The following MAP1LC3B2 variants were observed in gnomAD, a reference collection of about 807,000 sequenced individuals.
The protein encoded by MAP1LC3B2 is microtubule associated protein 1 light chain 3 beta 2.
For synonymous variants in MAP1LC3B2, 62 were observed against 57.8 expected, an observed-to-expected ratio of 1.07 and a Z score of -0.33; for missense variants, 155 against 154.6, an observed-to-expected ratio of 1.00 and a Z score of -0.01.
chr12:116,572,487 C>T (rs527404386), intron 1 of MAP1LC3B2, among the ~76,000 whole-genome samples: 26 of 152,254 alleles, frequency 1.7e-4, no homozygotes, highest in African/African-American at 6.0e-4. Flanking sequence ...GCCTCAGCCT[C>T]CCGAGTAGCT....
At chr12:116,575,328 T>C (rs1407516745) in intron 1 of MAP1LC3B2, among the ~76,000 whole-genome samples, 3 of 152,204 alleles carry the variant, frequency 2.0e-5, no homozygotes, top group Non-Finnish European at 4.4e-5. Flanking sequence ...TTCTTAGCAG[T>C]GAATGAATCA....
chr12:116,566,073 A>G (rs545288161), intron 1 of MAP1LC3B2, among the ~76,000 whole-genome samples: 1 of 152,276 alleles, frequency 6.6e-6, no homozygotes, highest in South Asian at 2.1e-4. Flanking sequence ...AGACAATAAC[A>G]AACTTCTCAT....
intron 1 of MAP1LC3B2, 87 bp from the exon 2 acceptor site, chr12:116,575,755 A>G: frequency 1.5e-6 from 1 of 657,456 alleles, no homozygotes; most frequent in East Asian, 2.7e-5. Context: ...GTAAAAGAAC[A>G]GATAGTAAAT....
chr12:116,575,539 G>A (rs1181820088), intron 1 of MAP1LC3B2, among the ~76,000 whole-genome samples: 8 of 152,154 alleles, frequency 5.3e-5, no homozygotes, highest in Non-Finnish European at 1.5e-5. Context: ...CTGCCTTCCT[G>A]GAACTGAGTC....
chr12:116,575,419 T>C (rs986669056), intron 1 of MAP1LC3B2, among the ~76,000 whole-genome samples: 10 of 152,180 alleles, frequency 6.6e-5, no homozygotes, highest in African/African-American at 2.2e-4. Context: ...CTACAAAAGA[T>C]ATACATGACT....
At chr12:116,560,235 T>C (rs1208270013) in intron 1 of MAP1LC3B2, among the ~76,000 whole-genome samples, 1 of 98,492 alleles carries the variant, frequency 1.0e-5, no homozygotes, top group African/African-American at 3.4e-5. Context: ...TATATATATA[T>C]ATATATGTAT....
chr12:116,571,083 C>T (rs936735636), intron 1 of MAP1LC3B2, among the ~76,000 whole-genome samples: 19 of 152,148 alleles, frequency 1.2e-4, no homozygotes, highest in African/African-American at 3.1e-4. Flanking sequence ...CCAAAACAAA[C>T]GGCTTAAAGC....
intron 1 of MAP1LC3B2, among the ~76,000 whole-genome samples, chr12:116,575,568 TTTG>T (rs1229576869): frequency 6.6e-6 from 1 of 152,070 alleles, no homozygotes; most frequent in Non-Finnish European, 1.5e-5. Context: ...CCAGCTGAGG[TTTG>T]TGTCTTAATA....
chr12:116,565,009 G>C (rs1370716397), intron 1 of MAP1LC3B2, among the ~76,000 whole-genome samples: 1 of 152,184 alleles, frequency 6.6e-6, no homozygotes, highest in Non-Finnish European at 1.5e-5. Flanking sequence ...GTTGTGTACA[G>C]CTGGAAAACA....
At chr12:116,566,697 C>CGAGTCAG (rs1869395446) in intron 1 of MAP1LC3B2, among the ~76,000 whole-genome samples, 1 of 147,544 alleles carries the variant, frequency 6.8e-6, no homozygotes, top group Admixed American at 6.8e-5. Context: ...TTTAGGAGAC[C>CGAGTCAG]GAGTCAGGCA....
chr12:116,562,153 G>A (rs8181730), intron 1 of MAP1LC3B2, among the ~76,000 whole-genome samples: 26,685 of 152,122 alleles, frequency 0.18, 2,510 homozygotes, highest in South Asian at 0.24. Context: ...GGATATGAGC[G>A]TGGAGCATCT....
At chr12:116,564,954 A>C (rs1288724015) in intron 1 of MAP1LC3B2, among the ~76,000 whole-genome samples, 1 of 152,180 alleles carries the variant, frequency 6.6e-6, no homozygotes, top group African/African-American at 2.4e-5. Context: ...CCTGTGGCCC[A>C]ATCTCTGAAA....
chr12:116,570,002 C>T (rs865880184), intron 1 of MAP1LC3B2, among the ~76,000 whole-genome samples: 6 of 151,950 alleles, frequency 3.9e-5, no homozygotes, highest in East Asian at 1.9e-4. Context: ...TGCAGGGAGC[C>T]GAGATCGCGC....
chr12:116,569,031 T>C (rs969361572), intron 1 of MAP1LC3B2, among the ~76,000 whole-genome samples: 6 of 151,924 alleles, frequency 3.9e-5, no homozygotes, highest in Admixed American at 2.0e-4. Flanking sequence ...GGCTAACTTT[T>C]TGTATTTTTT....
chr12:116,565,039 C>T (rs992073097), intron 1 of MAP1LC3B2, among the ~76,000 whole-genome samples: 3 of 152,160 alleles, frequency 2.0e-5, no homozygotes, highest in Non-Finnish European at 4.4e-5. Flanking sequence ...CCAATTCCTT[C>T]ATCATGGCCA....
chr12:116,562,315 G>T (rs116629242), intron 1 of MAP1LC3B2, among the ~76,000 whole-genome samples: 1 of 152,164 alleles, frequency 6.6e-6, no homozygotes, highest in South Asian at 2.1e-4. Flanking sequence ...CGCAAGTTCC[G>T]TGAAACAATA....
intron 1 of MAP1LC3B2, among the ~76,000 whole-genome samples, chr12:116,574,815 CA>C (rs1280720342): frequency 1.3e-5 from 2 of 151,790 alleles, no homozygotes; most frequent in Admixed American, 6.6e-5. Context: ...CTCAGCCTCC[CA>C]AAGTGTTGGG....
At chr12:116,560,857 C>T (rs998173869) in intron 1 of MAP1LC3B2, among the ~76,000 whole-genome samples, 3 of 151,768 alleles carry the variant, frequency 2.0e-5, no homozygotes, top group African/African-American at 7.3e-5. Flanking sequence ...TGGCTTACAC[C>T]TCTAATCCCA....
intron 1 of MAP1LC3B2, among the ~76,000 whole-genome samples, chr12:116,564,383 G>C (rs1869339477): frequency 6.6e-6 from 1 of 150,602 alleles, no homozygotes; most frequent in Admixed American, 6.8e-5. Flanking sequence ...GTTACTCATT[G>C]ACCAGCTTGA....
Sources: allele counts gnomAD v4.1 joint callset (sites outside exome capture counted in the v4.1 genomes callset), GRCh38; gene constraint gnomAD v4.1.1; transcripts MANE v1.5; gene names NCBI Gene and HGNC (gene_info 2026-07-23, HGNC 2026-07-21).